The following KIN variants were observed in gnomAD, a reference collection of about 807,000 sequenced individuals.
KIN encodes DNA/RNA-binding protein KIN17.
KIN carries 47 observed loss-of-function variants against 63.0 expected under a neutral mutation model. The observed-to-expected ratio is 0.75, with a 90% CI of 0.59 to 0.95. The LOEUF is 0.95. KIN is among the 40% of genes least tolerant of loss of function. The probability of loss-of-function intolerance (pLI) is 0.00; values close to 1 mark genes in which losing one functional copy is unlikely to be tolerated. For missense variants in KIN, 408 were observed against 460.9 expected (o/e 0.89, Z 1.05); for synonymous variants, 160 against 157.7 (o/e 1.01, Z -0.11).
At chr10:7,768,104 G>A (rs1835589121) in intron 8 of KIN, among the ~76,000 whole-genome samples, 1 of 152,168 alleles carries the variant, frequency 6.6e-6, no homozygotes, top group Non-Finnish European at 1.5e-5. Flanking sequence ...AGAACCTCCT[G>A]CAGCATTACT....
intron 7 of KIN, among the ~76,000 whole-genome samples, chr10:7,772,726 C>T (rs765844022): frequency 6.6e-6 from 1 of 152,062 alleles, no homozygotes; most frequent in Non-Finnish European, 1.5e-5. Context: ...TTCATGGACT[C>T]GGGTCACAAC....
intron 7 of KIN, among the ~76,000 whole-genome samples, chr10:7,771,842 C>A (rs1392298567): frequency 6.6e-6 from 1 of 150,610 alleles, no homozygotes; most frequent in Non-Finnish European, 1.5e-5. Context: ...TTGTGGTGAG[C>A]CGAGGTCATG....
chr10:7,765,957 C>A, intron 9 of KIN, 96 bp downstream of exon 9: 1 of 782,556 alleles, frequency 1.3e-6, no homozygotes. Flanking sequence ...ATAGATTATA[C>A]GTGTTTGAAA....
intron 8 of KIN, among the ~76,000 whole-genome samples, chr10:7,766,630 G>A (rs1835548529): frequency 2.6e-5 from 4 of 152,006 alleles, no homozygotes; most frequent in Admixed American, 6.5e-5. Context: ...GCTGTATGGC[G>A]AAAATATCGA....
intron 12 of KIN, among the ~76,000 whole-genome samples, chr10:7,758,776 T>TTA (rs1297330651): frequency 6.6e-6 from 1 of 152,150 alleles, no homozygotes; most frequent in Non-Finnish European, 1.5e-5. Context: ...AGAGAAAATC[T>TTA]TATAGAGTTT....
chr10:7,754,375 C>G lies in KIN; in HGVS notation c.*1705G>C, dbSNP rs1041511116. 8.0e-6 allele frequency: 2 copies of G among 249,488 alleles called. No individual in the cohort carries two copies. Among genetic ancestry groups the G allele is most frequent in the Admixed American group, 4.9e-5 (1 of 20,396 alleles). The allele number at this position is 249,488 out of a possible 1,614,324, so 15.5% of individuals were successfully genotyped here. A position where few individuals can be genotyped will look rare whatever the true frequency, so the allele number is the denominator to read the frequency against. ...AAAAAAGAGGCGTAGTGGCTCATGCCTGTAATCCCAGCACTTTGGGAGGCT... is the reference window on the plus strand; with the variant it reads ...AAAAAAGAGGCGTAGTGGCTCATGCGTGTAATCCCAGCACTTTGGGAGGCT... On this transcript the variant is annotated 3_prime_UTR_variant, in exon 13 of 13. Transcript: ENST00000379562.
intron 1 of KIN, among the ~76,000 whole-genome samples, chr10:7,787,147 A>G (rs139637670): frequency 6.5e-4 from 99 of 152,370 alleles, no homozygotes; most frequent in African/African-American, 2.1e-3. Context: ...TCACTCATTT[A>G]AAACTCAGCG....
At chr10:7,757,525 T>TAAAA (rs1468029342) in intron 12 of KIN, among the ~76,000 whole-genome samples, 16 of 151,546 alleles carry the variant, frequency 1.1e-4, no homozygotes, top group East Asian at 7.7e-4. Context: ...TAAAATAAAA[T>TAAAA]TAAATTAAAT....
rs956177202 is a variant in KIN, at chr10:7,763,148, C to A, written c.918+575G>T. 2.6e-5 allele frequency among the ~76,000 whole-genome samples: 4 copies of A among 151,860 alleles called. No homozygotes were observed. The East Asian group carries it at 5.8e-4, about 22-fold the overall frequency. On this transcript the variant is annotated intron_variant, in intron 10 of 12. Coordinates refer to ENST00000379562, the MANE Select transcript of KIN (RefSeq NM_012311.4). ...GTGGCCACCTGTAATCCCAGCTACT[C>A]GGGAGGCTGAGGCAGGACAATCACT...
In KIN at chr10:7,755,702, T is replaced by C; in HGVS notation, c.*378A>G. On this transcript the variant is annotated 3_prime_UTR_variant, in exon 13 of 13. Transcript: ENST00000379562. Reference sequence around the variant, plus strand: ...TATTTATAGTTTGACATTTAAAATTTAGTCACACTTAGAGTTCAACTTTAC... The same window carrying C: ...TATTTATAGTTTGACATTTAAAATTCAGTCACACTTAGAGTTCAACTTTAC... 6.4e-6 allele frequency: 1 copy of C among 156,008 alleles called. No homozygotes were observed. Among genetic ancestry groups the C allele is most frequent in the East Asian group, 1.9e-4 (1 of 5,346 alleles). 9.7% of individuals were successfully genotyped at this position (156,008 alleles called of 1,614,324 possible). A position where few individuals can be genotyped will look rare whatever the true frequency, so the allele number is the denominator to read the frequency against.
At chr10:7,764,021 T>C (rs1160979001) in intron 9 of KIN, among the ~76,000 whole-genome samples, 1 of 152,236 alleles carries the variant, frequency 6.6e-6, no homozygotes, top group Non-Finnish European at 1.5e-5. Flanking sequence ...GAAAAAAATA[T>C]ATACATATAT....
intron 11 of KIN, chr10:7,761,541 A>G (rs990292477): frequency 6.6e-6 from 1 of 152,254 alleles, no homozygotes; most frequent in Non-Finnish European, 1.5e-5. Flanking sequence ...CCTAATCTGA[A>G]AATTTGAAAA....
At chr10:7,775,701 AT>A (rs1363256296) in intron 6 of KIN, 49 bp downstream of exon 6, 1 of 986,670 alleles carries the variant, frequency 1.0e-6, no homozygotes, top group Non-Finnish European at 1.5e-6. Context: ...AACAAAGCCA[AT>A]ATAAAAGCAT....
Position 7,763,748 on chromosome 10 carries a change from T to C in KIN, c.893A>G (p.Tyr298Cys), listed in dbSNP as rs768580001. The C allele has an allele frequency of 6.8e-7, 1 of 1,480,022 alleles. No individual in the cohort carries two copies. Among genetic ancestry groups the C allele is most frequent in the Non-Finnish European group, 9.3e-7 (1 of 1,072,198 alleles). 91.7% of individuals were successfully genotyped at this position (1,480,022 alleles called of 1,614,324 possible). A position where few individuals can be genotyped will look rare whatever the true frequency, so the allele number is the denominator to read the frequency against. ...CTTAACAATAGCCTTTTTCTTATGA[T>C]ATTTCTCTCCCAGTTTCTTGGTTAT... ...KIITKKLGEKYHKKKAIVKEV... is the reference protein window; with the variant it reads ...KIITKKLGEKCHKKKAIVKEV... Residue 298 changes from tyrosine (Y) to cysteine (C), a missense_variant, in exon 10 of 13, where the codon TAT becomes TGT. Around this residue, in one of 2 missense-constraint regions of KIN, gnomAD observed 298 missense variants for 296.0 expected, o/e 1.01. Transcript: ENST00000379562.
Position 7,759,960 on chromosome 10 carries a change from T to A in KIN, c.1049A>T (p.Tyr350Phe). The change falls in exon 12 of 13, where the codon TAC becomes TTC. Residue 350 changes from tyrosine (Y) to phenylalanine (F), a missense_variant. This residue lies in a region of KIN where 298 missense variants were observed against 296.0 expected (regional missense o/e 1.01). Transcript: ENST00000379562. The stretch of plus-strand genomic sequence containing the variant: ...TTCTAGGGTACCTTCATTTCCTCTG[T>A]AGCCTCCATTTAAAACTAGAATTCT... Reference protein sequence around the residue: ...GKRILVLNGGYRGNEGTLESI... With the variant: ...GKRILVLNGGFRGNEGTLESI... 5.2e-6 allele frequency: 8 copies of A among 1,533,080 alleles called. No individual in the cohort carries two copies. Among genetic ancestry groups the A allele is most frequent in the Non-Finnish European group, 7.0e-6 (8 of 1,137,726 alleles). 95.0% of individuals were successfully genotyped at this position (1,533,080 alleles called of 1,614,324 possible).
At position 7,783,095 on chromosome 10, in the gene KIN, CA is replaced by C; in HGVS notation, c.194del (p.Met65ArgfsTer13). 6.3e-7 allele frequency: 1 copy of C among 1,589,908 alleles called. No homozygotes were observed. Among genetic ancestry groups the C allele is most frequent in the Non-Finnish European group, 8.6e-7 (1 of 1,164,994 alleles). On this transcript the variant is annotated frameshift_variant, in exon 2 of 13. Transcript: ENST00000379562. LOFTEE classifies it high-confidence loss of function. ...GAGTTACTTACTCTGAAAAATAATC[CA>C]TAAACTGCTGAGGATTTTCTGAAGC... is the stretch of plus-strand genomic sequence containing the variant. ...LLASENPQQF[M>X]DYFSEEFRND...
chr10:7,773,421 G>A (rs944626096), intron 7 of KIN, among the ~76,000 whole-genome samples: 2 of 152,172 alleles, frequency 1.3e-5, no homozygotes, highest in African/African-American at 4.8e-5. Flanking sequence ...AGACAGAAAT[G>A]CATAAAGTTC....
chr10:7,756,451 G>A (rs1367652085), intron 12 of KIN, among the ~76,000 whole-genome samples: 2 of 152,156 alleles, frequency 1.3e-5, no homozygotes, highest in African/African-American at 4.8e-5. Flanking sequence ...CTTGTGGTTA[G>A]CTGTGGCCAT....
chr10:7,762,217 AG>A (rs943891533), intron 11 of KIN, among the ~76,000 whole-genome samples: 2 of 151,646 alleles, frequency 1.3e-5, no homozygotes, highest in Admixed American at 1.3e-4. Flanking sequence ...GTTTTGCTTC[AG>A]GAAAAAAAAA....
Sources: allele counts gnomAD v4.1 joint callset (sites outside exome capture counted in the v4.1 genomes callset), GRCh38; gene constraint gnomAD v4.1.1; regional missense constraint gnomAD v4.1.1; transcripts MANE v1.5; gene names NCBI Gene and HGNC (gene_info 2026-07-23, HGNC 2026-07-21).